AP3B1: variants seen among roughly 807,000 people sequenced by gnomAD.
AP3B1 encodes the protein AP-3 complex subunit beta-1.
A neutral mutation model predicts 132.5 loss-of-function variants in AP3B1; 61 were observed. That is an observed-to-expected ratio of 0.46 (90% CI 0.37 to 0.57). The LOEUF (loss-of-function observed/expected upper bound fraction) is 0.57, where lower values mean the gene tolerates loss of function less well. AP3B1 is among the 20% of genes least tolerant of loss of function. The pLI is 0.00. For missense variants in AP3B1, 1,120 were observed against 1,289.4 expected (o/e 0.87, Z 2.01); for synonymous variants, 388 against 438.3 (o/e 0.89, Z 1.43).
In AP3B1 at chr5:78,097,419, C is replaced by T. The variant is rs1334167081; in HGVS notation, c.2470+3534G>A. On this transcript the variant is annotated intron_variant, in intron 21 of 26. Coordinates refer to ENST00000255194, the MANE Select transcript of AP3B1 (RefSeq NM_003664.5). ...CCCCCGCCCGGCCAGCCGCCTCGTC[C>T]GGGAGGTGAGGGGTGCCTCTGCCCG... Among the ~76,000 whole-genome samples, 71 of 131,460 alleles carry T rather than the reference C, an allele frequency of 5.4e-4. 1 individual carries two copies. The highest frequency in any genetic ancestry group is 1.1e-3 in the Admixed American group (15 of 13,752). The allele number at this position is 131,460 out of a possible 152,430, so 86.2% of individuals were successfully genotyped here.
intron 11 of AP3B1, among the ~76,000 whole-genome samples, chr5:78,173,612 C>T (rs1744019195): frequency 6.6e-6 from 1 of 151,588 alleles, no homozygotes; most frequent in South Asian, 2.1e-4. Flanking sequence ...ACATCTTCCT[C>T]CATCCCTTTA....
At chr5:78,100,863 A>C in intron 21 of AP3B1, 90 bp downstream of exon 21, 1 of 741,138 alleles carries the variant, frequency 1.3e-6, no homozygotes, top group Non-Finnish European at 2.2e-6. Context: ...AAATATTGAT[A>C]TATTTTGGGA....
At chr5:78,174,067 C>T (rs1442250988) in intron 11 of AP3B1, among the ~76,000 whole-genome samples, 2 of 152,164 alleles carry the variant, frequency 1.3e-5, no homozygotes. Context: ...ACTGTTTATT[C>T]TAGTTAGCCA....
intron 26 of AP3B1, chr5:78,003,433 T>G (rs950395668): frequency 6.0e-5 from 43 of 718,328 alleles, no homozygotes; most frequent in Non-Finnish European, 7.2e-5. Context: ...GTATTTTTAT[T>G]TTTAAAACAT....
intron 24 of AP3B1, among the ~76,000 whole-genome samples, chr5:78,021,488 A>C (rs1357594303): frequency 6.6e-6 from 1 of 152,182 alleles, no homozygotes; most frequent in Admixed American, 6.5e-5. Flanking sequence ...TATGATCAAT[A>C]AAAAATACTA....
chr5:78,263,514 T>C (rs1748188608), intron 2 of AP3B1, among the ~76,000 whole-genome samples: 1 of 152,228 alleles, frequency 6.6e-6, no homozygotes, highest in South Asian at 2.1e-4. Context: ...TTGTTCTGGC[T>C]AAAATTTCCA....
intron 7 of AP3B1, among the ~76,000 whole-genome samples, chr5:78,188,177 A>C (rs1744681557): frequency 1.3e-5 from 2 of 152,210 alleles, no homozygotes; most frequent in South Asian, 2.1e-4. Flanking sequence ...GCATGGACAA[A>C]GACTTTATGA....
chr5:78,152,423 AG>A (rs1308489374), intron 14 of AP3B1, among the ~76,000 whole-genome samples: 1 of 152,034 alleles, frequency 6.6e-6, no homozygotes, highest in Non-Finnish European at 1.5e-5. Context: ...GTGTGTGTCT[AG>A]GAAGTTTTCC....
intron 13 of AP3B1, among the ~76,000 whole-genome samples, chr5:78,157,544 T>A (rs1031948978): frequency 2.0e-5 from 3 of 152,286 alleles, no homozygotes; most frequent in East Asian, 1.9e-4. Flanking sequence ...AAACGTAACA[T>A]AACTCACCTG....
chr5:78,185,088 CAA>C (rs1277094491), intron 7 of AP3B1, among the ~76,000 whole-genome samples: 2 of 152,182 alleles, frequency 1.3e-5, no homozygotes, highest in South Asian at 2.1e-4. Context: ...GAGGAACTAT[CAA>C]AAGAGAATCT....
At chr5:78,057,409 C>A (rs1194730489) in intron 22 of AP3B1, among the ~76,000 whole-genome samples, 1 of 151,930 alleles carries the variant, frequency 6.6e-6, no homozygotes, top group Non-Finnish European at 1.5e-5. Flanking sequence ...GTCTGATAGA[C>A]AGTAATCTTT....
chr5:78,278,724 T>C (rs558903608), intron 1 of AP3B1, among the ~76,000 whole-genome samples: 5 of 151,890 alleles, frequency 3.3e-5, no homozygotes, highest in African/African-American at 1.2e-4. Flanking sequence ...ATCTGTGGCT[T>C]GTTAGAAACC....
rs141340137 is a variant in AP3B1, at chr5:78,247,807, G to A, written c.205-6871C>T. 1.7e-4 allele frequency among the ~76,000 whole-genome samples: 26 copies of A among 152,104 alleles called. No homozygotes were observed. In the South Asian group the frequency reaches 2.3e-3, roughly 13 times the overall value. The stretch of plus-strand genomic sequence containing the variant: ...ATGAAGATCTCTTTTTATTGGTAAT[G>A]TCAGACCACTTACATGTAATAGAAT... On this transcript the variant is annotated intron_variant, in intron 2 of 26. Coordinates refer to ENST00000255194, the MANE Select transcript of AP3B1 (RefSeq NM_003664.5).
chr5:78,129,407 T>C, intron 15 of AP3B1, 100 bp from the exon 16 acceptor site: 1 of 1,039,772 alleles, frequency 9.6e-7, no homozygotes, highest in Non-Finnish European at 1.5e-6. Context: ...TGAATGGTTA[T>C]GTCAAACAAA....
At chr5:78,132,890 G>A (rs1290365752) in intron 15 of AP3B1, among the ~76,000 whole-genome samples, 1 of 152,118 alleles carries the variant, frequency 6.6e-6, no homozygotes, top group African/African-American at 2.4e-5. Flanking sequence ...TATTGCTGAT[G>A]ATTTTATAAC....
intron 1 of AP3B1, among the ~76,000 whole-genome samples, chr5:78,292,189 C>G (rs772667143): frequency 3.9e-5 from 6 of 151,984 alleles, no homozygotes; most frequent in Admixed American, 1.3e-4. Flanking sequence ...TTTATATAAA[C>G]TTTGTCATTC....
At chr5:78,056,481 G>T (rs996521917) in intron 22 of AP3B1, among the ~76,000 whole-genome samples, 1 of 152,158 alleles carries the variant, frequency 6.6e-6, no homozygotes, top group Non-Finnish European at 1.5e-5. Flanking sequence ...ATAACGCAGG[G>T]TCCTGAGATT....
At chr5:78,000,621 T>C (rs965470318), downstream of AP3B1, 2 of 152,228 alleles carry the variant, frequency 1.3e-5, no homozygotes, top group African/African-American at 4.8e-5. Context: ...AGCAAATGTA[T>C]TGTGATATCA....
intron 21 of AP3B1, among the ~76,000 whole-genome samples, chr5:78,096,244 C>A (rs999682159): frequency 3.3e-5 from 5 of 152,338 alleles, no homozygotes; most frequent in South Asian, 4.1e-4. Flanking sequence ...AGCTCCTAAC[C>A]GCGAGTGATC....
Sources: allele counts gnomAD v4.1 joint callset (sites outside exome capture counted in the v4.1 genomes callset), GRCh38; gene constraint gnomAD v4.1.1; transcripts MANE v1.5; gene names NCBI Gene and HGNC (gene_info 2026-07-23, HGNC 2026-07-21).